The following KIAA1328 variants were observed in gnomAD, a reference collection of about 807,000 sequenced individuals.
The protein encoded by KIAA1328 is protein hinderin.
KIAA1328 carries 52 observed loss-of-function variants against 68.1 expected under a neutral mutation model. The ratio of observed to expected loss-of-function variants is 0.76; its 90% CI spans 0.61 to 0.96. The LOEUF is 0.96. Among genes scored for constraint, KIAA1328 ranks in the 40% least tolerant of loss-of-function variants. The pLI, the probability that KIAA1328 is intolerant of heterozygous loss-of-function variation, is 0.00. For synonymous variants in KIAA1328, 232 were observed against 239.4 expected, an observed-to-expected ratio of 0.97 and a Z score of 0.28; for missense variants, 641 against 677.6, an observed-to-expected ratio of 0.95 and a Z score of 0.60.
At position 37,149,012 on chromosome 18, in the gene KIAA1328, T is replaced by G. The variant is rs544186446; in HGVS notation, c.1233-11188T>G. ...AAATGGTCATACTACCCAAAGTAAT[T>G]TATAGATTCAGTGCTATTCCATTAA... On this transcript the variant is annotated intron_variant, in intron 7 of 9. Coordinates refer to ENST00000280020, the MANE Select transcript of KIAA1328 (RefSeq NM_020776.3). Among the ~76,000 whole-genome samples the G allele has an allele frequency of 7.2e-5, 11 of 152,274 alleles. No homozygotes were observed. The East Asian group carries it at 2.1e-3, about 29-fold the overall frequency.
chr18:37,176,817 C>T (rs1404900831), intron 9 of KIAA1328, among the ~76,000 whole-genome samples: 1 of 152,192 alleles, frequency 6.6e-6, no homozygotes, highest in Non-Finnish European at 1.5e-5. Flanking sequence ...GGCAAGTTAC[C>T]ATTTGCTTCT....
chr18:37,076,386 G>A (rs1173554207), intron 7 of KIAA1328, among the ~76,000 whole-genome samples: 5 of 151,912 alleles, frequency 3.3e-5, no homozygotes, highest in African/African-American at 1.2e-4. Flanking sequence ...AAACAGGAAA[G>A]ATCCAAAATT....
chr18:36,953,078 G>A (rs1307934343), intron 5 of KIAA1328, among the ~76,000 whole-genome samples: 1 of 151,348 alleles, frequency 6.6e-6, no homozygotes, highest in African/African-American at 2.4e-5. Context: ...ATATGGCATT[G>A]AAACACTGTG....
At chr18:37,052,864 G>T (rs1277427202) in intron 6 of KIAA1328, among the ~76,000 whole-genome samples, 1 of 152,106 alleles carries the variant, frequency 6.6e-6, no homozygotes, top group Admixed American at 6.6e-5. Flanking sequence ...AGGTGGAAAA[G>T]CATCCCATGC....
chr18:37,202,031 C>T (rs1257284178), intron 9 of KIAA1328, among the ~76,000 whole-genome samples: 2 of 152,194 alleles, frequency 1.3e-5, no homozygotes, highest in Non-Finnish European at 2.9e-5. Flanking sequence ...ATAGAGAACA[C>T]ATTCTTACTG....
chr18:37,019,308 A>C (rs1225330756), intron 6 of KIAA1328, among the ~76,000 whole-genome samples: 1 of 152,134 alleles, frequency 6.6e-6, no homozygotes, highest in African/African-American at 2.4e-5. Flanking sequence ...GATGGCACTT[A>C]TAGGTCAGAG....
At chr18:36,847,561 A>G (rs2047069564) in intron 4 of KIAA1328, among the ~76,000 whole-genome samples, 1 of 151,450 alleles carries the variant, frequency 6.6e-6, no homozygotes, top group Admixed American at 6.6e-5. Flanking sequence ...TTCCTTAGTG[A>G]AGTGTCTGTC....
At chr18:37,026,277 A>G (rs1047090430) in intron 6 of KIAA1328, among the ~76,000 whole-genome samples, 1 of 152,160 alleles carries the variant, frequency 6.6e-6, no homozygotes, top group African/African-American at 2.4e-5. Flanking sequence ...ATTCACAGCC[A>G]AATTCTACCC....
chr18:36,991,465 A>G (rs2053175075), intron 6 of KIAA1328, among the ~76,000 whole-genome samples: 2 of 152,242 alleles, frequency 1.3e-5, no homozygotes, highest in Admixed American at 6.5e-5. Flanking sequence ...AACAACAGCA[A>G]CAACAACAAA....
chr18:36,843,734 A>C (rs1361156318), intron 3 of KIAA1328, among the ~76,000 whole-genome samples: 3 of 152,176 alleles, frequency 2.0e-5, no homozygotes, highest in African/African-American at 7.2e-5. Flanking sequence ...TGAAGTGAGC[A>C]CTAGATGTAA....
At chr18:37,163,763 G>T (rs1433943498) in intron 8 of KIAA1328, among the ~76,000 whole-genome samples, 1 of 152,112 alleles carries the variant, frequency 6.6e-6, no homozygotes, top group African/African-American at 2.4e-5. Flanking sequence ...CCTCTAAGGA[G>T]CATTTCTCAT....
chr18:36,888,129 T>G (rs1448524202), intron 5 of KIAA1328, among the ~76,000 whole-genome samples: 2 of 152,188 alleles, frequency 1.3e-5, no homozygotes, highest in Non-Finnish European at 1.5e-5. Flanking sequence ...CCTAGGTGAT[T>G]GCAGTGACAC....
chr18:37,137,027 T>C (rs2058661591), intron 7 of KIAA1328, among the ~76,000 whole-genome samples: 1 of 152,228 alleles, frequency 6.6e-6, no homozygotes, highest in Non-Finnish European at 1.5e-5. Context: ...GATATTTTAA[T>C]TAATGAAATT....
intron 5 of KIAA1328, among the ~76,000 whole-genome samples, chr18:36,928,829 C>T (rs573792293): frequency 2.6e-5 from 4 of 152,314 alleles, no homozygotes; most frequent in African/African-American, 9.6e-5. Context: ...CCCCTTCTCT[C>T]ACTGTGTCTT....
chr18:37,118,517 A>G (rs2058183490), intron 7 of KIAA1328, among the ~76,000 whole-genome samples: 1 of 152,188 alleles, frequency 6.6e-6, no homozygotes, highest in Non-Finnish European at 1.5e-5. Flanking sequence ...TGTATTCCAG[A>G]CATACTCTTC....
intron 7 of KIAA1328, among the ~76,000 whole-genome samples, chr18:37,129,568 A>G (rs2058473178): frequency 6.6e-6 from 1 of 152,246 alleles, no homozygotes; most frequent in Admixed American, 6.5e-5. Flanking sequence ...TTGAAGGAGT[A>G]TAGGAATAGA....
At chr18:37,212,824 G>A (rs997001417) in intron 9 of KIAA1328, among the ~76,000 whole-genome samples, 1 of 152,234 alleles carries the variant, frequency 6.6e-6, no homozygotes, top group Admixed American at 6.5e-5. Context: ...GGGTTCAAAC[G>A]ATTCTGCTGC....
intron 6 of KIAA1328, among the ~76,000 whole-genome samples, chr18:37,026,604 T>C (rs982667851): frequency 3.2e-4 from 49 of 152,200 alleles, no homozygotes; most frequent in Admixed American, 5.2e-4. Flanking sequence ...ATTGTATAAA[T>C]AGAACCAAAG....
At position 36,916,821 on chromosome 18, in the gene KIAA1328, C is replaced by T. The variant is rs1452210382; in HGVS notation, c.448+31149C>T. On this transcript the variant is annotated intron_variant, in intron 5 of 9. Transcript: ENST00000280020. ...TAGAGACAGAGTCTCGCTATGTTGC[C>T]CTTGCTGGCCTTAAATTCCTGGGCT... Among the ~76,000 whole-genome samples the T allele has an allele frequency of 2.0e-5, 3 of 151,910 alleles. No homozygotes were observed. The East Asian group carries it at 5.8e-4, about 29-fold the overall frequency.
Sources: gnomAD v4.1 joint callset for allele counts (sites outside exome capture counted in the v4.1 genomes callset) on GRCh38, gnomAD v4.1.1 for gene constraint, MANE v1.5 for transcripts, NCBI Gene and HGNC (gene_info 2026-07-23, HGNC 2026-07-21) for gene names.